The following LOC400499 variants were observed in gnomAD, a reference collection of about 807,000 sequenced individuals.
At chr16:11,457,632 G>A in the LOC400499 span, among the ~76,000 whole-genome samples, 266 of 150,280 alleles carry the variant, frequency 1.8e-3, 2 homozygotes, top group Non-Finnish European at 2.1e-3. Context: ...ATTACCATAC[G>A]CCCCAGAAAT....
chr16:11,377,567 C>T, the LOC400499 span, among the ~76,000 whole-genome samples: 1 of 152,166 alleles, frequency 6.6e-6, no homozygotes, highest in Non-Finnish European at 1.5e-5. Context: ...CTGAAATAGT[C>T]ATGTGTTTTC....
At chr16:11,445,052 G>A in the LOC400499 span, among the ~76,000 whole-genome samples, 1 of 151,042 alleles carries the variant, frequency 6.6e-6, no homozygotes, top group Non-Finnish European at 1.5e-5. Flanking sequence ...TTGTGCCACT[G>A]CACTACAGCC....
At chr16:11,455,744 A>G in the LOC400499 span, among the ~76,000 whole-genome samples, 2 of 149,040 alleles carry the variant, frequency 1.3e-5, no homozygotes, top group Non-Finnish European at 3.0e-5. Context: ...CAAAAAAGAA[A>G]AAAAAAAAAA....
At chr16:11,432,878 C>G in the LOC400499 span, among the ~76,000 whole-genome samples, 8 of 152,202 alleles carry the variant, frequency 5.3e-5, no homozygotes, top group Non-Finnish European at 7.3e-5. Flanking sequence ...CAGCTGAGCT[C>G]TAAATAACAC....
chr16:11,503,961 T>A, the LOC400499 span, among the ~76,000 whole-genome samples: 1 of 152,172 alleles, frequency 6.6e-6, no homozygotes, highest in Non-Finnish European at 1.5e-5. Flanking sequence ...CGGCCACATT[T>A]CCCTCTGGCT....
chr16:11,450,469 G>C, the LOC400499 span: 19,375 of 735,078 alleles, frequency 0.026, 313 homozygotes, highest in Non-Finnish European at 0.033. Flanking sequence ...TCTGATAGTT[G>C]CAGGCACTGG....
the LOC400499 span, chr16:11,407,355 A>G: frequency 5.0e-6 from 2 of 398,642 alleles, no homozygotes; most frequent in Admixed American, 4.4e-5. Flanking sequence ...AGAAAAAAAA[A>G]AAACCACCAC....
the LOC400499 span, among the ~76,000 whole-genome samples, chr16:11,506,106 G>T: frequency 1.3e-5 from 2 of 151,868 alleles, no homozygotes; most frequent in African/African-American, 4.8e-5. Flanking sequence ...GAGTGATCTC[G>T]GCTCACTGTA....
At chr16:11,431,581 C>T in the LOC400499 span, among the ~76,000 whole-genome samples, 2 of 152,024 alleles carry the variant, frequency 1.3e-5, no homozygotes, top group African/African-American at 4.8e-5. Context: ...AGTTTTTGTA[C>T]TTTTGGTAGA....
At chr16:11,375,837 C>T in the LOC400499 span, among the ~76,000 whole-genome samples, 1 of 150,636 alleles carries the variant, frequency 6.6e-6, no homozygotes. Context: ...TCAAGCAATT[C>T]TCCTGCCTCA....
the LOC400499 span, chr16:11,439,550 T>C: frequency 5.0e-6 from 2 of 398,956 alleles, no homozygotes; most frequent in Non-Finnish European, 4.4e-6. Context: ...AAATGCAAAG[T>C]CGGAGTCAGA....
the LOC400499 span, chr16:11,518,872 G>A: frequency 1.3e-5 from 5 of 399,012 alleles, no homozygotes; most frequent in Admixed American, 8.8e-5. Flanking sequence ...TCGTGAGCAG[G>A]TCCCAGCCCC....
At chr16:11,422,571 G>A in the LOC400499 span, among the ~76,000 whole-genome samples, 7 of 152,130 alleles carry the variant, frequency 4.6e-5, no homozygotes, top group African/African-American at 1.7e-4. Context: ...CCTGTTTTAT[G>A]TCACCTGTTT....
At chr16:11,460,139 A>G in the LOC400499 span, 3 of 1,162,308 alleles carry the variant, frequency 2.6e-6, no homozygotes, top group Non-Finnish European at 2.2e-6. Context: ...CACTCCAGGG[A>G]TATCAGCCTG....
At chr16:11,502,708 G>A in the LOC400499 span, among the ~76,000 whole-genome samples, 3 of 150,972 alleles carry the variant, frequency 2.0e-5, no homozygotes, top group Admixed American at 6.6e-5. Context: ...TCCACCTCCT[G>A]GGTTCTAGCG....
the LOC400499 span, among the ~76,000 whole-genome samples, chr16:11,452,002 A>G: frequency 6.6e-6 from 1 of 152,110 alleles, no homozygotes; most frequent in Admixed American, 6.5e-5. Context: ...TGCTTGATTG[A>G]CAGGGAAACC....
At chr16:11,501,994 C>G in the LOC400499 span, 1 of 397,754 alleles carries the variant, frequency 2.5e-6, no homozygotes, top group Non-Finnish European at 4.4e-6. Context: ...CACTGGGAAC[C>G]CAGGACAGCA....
chr16:11,494,903 G>T, the LOC400499 span: 1 of 397,300 alleles, frequency 2.5e-6, no homozygotes. Flanking sequence ...CTCTTTTCAG[G>T]GAACATTTTA....
the LOC400499 span, chr16:11,396,454 C>T: frequency 4.9e-6 from 6 of 1,229,366 alleles, no homozygotes; most frequent in African/African-American, 1.6e-5. Flanking sequence ...AGGGAGGAAC[C>T]GCAGGGATGC....
Sources: gnomAD v4.1 joint callset for allele counts (sites outside exome capture counted in the v4.1 genomes callset) on GRCh38, gnomAD v4.1.1 for gene constraint, MANE v1.5 for transcripts.